Variants in DCP1B observed in about 807,000 individuals in gnomAD.
DCP1B encodes the protein decapping mRNA 1B.
DCP1B carries 47 observed loss-of-function variants against 60.5 expected under a neutral mutation model. The observed-to-expected ratio is 0.78, with a 90% CI of 0.61 to 0.99. The LOEUF (loss-of-function observed/expected upper bound fraction) is 0.99, where lower values mean the gene tolerates loss of function less well. Among genes scored for constraint, DCP1B ranks in the 50% least tolerant of loss-of-function variants. The pLI, the probability that DCP1B is intolerant of heterozygous loss-of-function variation, is 0.00. For missense variants in DCP1B, 725 were observed against 756.8 expected (o/e 0.96, Z 0.49); for synonymous variants, 267 against 280.3 (o/e 0.95, Z 0.47).
intron 4 of DCP1B, 124 bp from the exon 5 acceptor site, chr12:1,965,817 CT>C: frequency 8.1e-7 from 1 of 1,241,374 alleles, no homozygotes. Context: ...AATAAGCTTG[CT>C]TAGGAATTTA....
intron 5 of DCP1B, 96 bp from the exon 6 acceptor site, chr12:1,955,656 G>T: frequency 7.3e-7 from 1 of 1,367,026 alleles, no homozygotes; most frequent in East Asian, 2.5e-5. Context: ...TTGGTAGACG[G>T]CTGTGTTTTT....
intron 7 of DCP1B, among the ~76,000 whole-genome samples, chr12:1,951,349 T>C (rs1349895685): frequency 2.6e-5 from 4 of 152,204 alleles, no homozygotes; most frequent in African/African-American, 4.8e-5. Flanking sequence ...CAGGGAGAAC[T>C]TTCCAATTTT....
intron 3 of DCP1B, among the ~76,000 whole-genome samples, chr12:1,979,555 G>T (rs1032079232): frequency 3.0e-4 from 45 of 152,094 alleles, no homozygotes; most frequent in Admixed American, 7.9e-4. Context: ...CAAGTGATCC[G>T]CCCGCCTCAG....
Position 1,948,416 on chromosome 12 carries a change from C to A in DCP1B, c.1773+670G>T, listed in dbSNP as rs1304625300. ...CTTGTCTGTAGAATGGGAAAAATAA[C>A]AGGGTTGTTATGTAAGGAGTGAATG... On this transcript the variant is annotated intron_variant, in intron 8 of 8. Transcript: ENST00000280665. This position sits in a 1 kb window ranked among gnomAD's most constrained non-coding sequence, Gnocchi z 4.8. 6.6e-6 allele frequency among the ~76,000 whole-genome samples: 1 copy of A among 152,170 alleles called. No homozygotes were observed. The highest frequency in any genetic ancestry group is 6.5e-5 in the Admixed American group (1 of 15,282).
intron 3 of DCP1B, among the ~76,000 whole-genome samples, chr12:1,983,695 T>C (rs1445033312): frequency 6.6e-6 from 1 of 152,130 alleles, no homozygotes; most frequent in African/African-American, 2.4e-5. Flanking sequence ...ACGTCCATTC[T>C]GCTGTCATTC....
At chr12:1,990,540 A>G (rs920646731) in intron 3 of DCP1B, among the ~76,000 whole-genome samples, 1 of 150,222 alleles carries the variant, frequency 6.7e-6, no homozygotes, top group African/African-American at 2.4e-5. Context: ...CAAGAAAGGG[A>G]TTTTTTTTTT....
intron 4 of DCP1B, among the ~76,000 whole-genome samples, chr12:1,967,552 T>G (rs1352270632): frequency 6.6e-6 from 1 of 152,256 alleles, no homozygotes; most frequent in Non-Finnish European, 1.5e-5. Flanking sequence ...AAAAAATTGC[T>G]AATTTACATA....
chr12:1,956,059 TAACATCA>T (rs999398445), intron 5 of DCP1B, among the ~76,000 whole-genome samples: 2 of 152,238 alleles, frequency 1.3e-5, no homozygotes, highest in African/African-American at 4.8e-5. Context: ...TAAAAATTAC[TAACATCA>T]TCTTTATTTA....
chr12:1,990,013 T>C (rs560975241), intron 3 of DCP1B, among the ~76,000 whole-genome samples: 1 of 152,324 alleles, frequency 6.6e-6, no homozygotes, highest in East Asian at 1.9e-4. Flanking sequence ...AACTAAGTGT[T>C]TGTAAATGAT....
rs753799062 is a variant in DCP1B, at chr12:2,004,450, A to T, written c.-19T>A. 1.3e-6 allele frequency: 2 copies of T among 1,598,108 alleles called. No individual in the cohort carries two copies. Among genetic ancestry groups the T allele is most frequent in the Non-Finnish European group, 1.7e-6 (2 of 1,172,620 alleles). On this transcript the variant is annotated 5_prime_UTR_variant, in exon 1 of 9. An upstream start codon of the reference 5' UTR is lost. Coordinates refer to ENST00000280665, the MANE Select transcript of DCP1B (RefSeq NM_152640.5). Reference sequence around the variant, plus strand: ...CTGCCATCTTCCCTCCCTCCCAGACATAGGCACGGGGCTCTTGGAAGCCAC... The same window carrying T: ...CTGCCATCTTCCCTCCCTCCCAGACTTAGGCACGGGGCTCTTGGAAGCCAC...
chr12:1,981,923 T>TGTA (rs2036261861), intron 3 of DCP1B, among the ~76,000 whole-genome samples: 2 of 152,164 alleles, frequency 1.3e-5, no homozygotes, highest in South Asian at 4.1e-4. Flanking sequence ...AAAGTGTATA[T>TGTA]GTAGTTGTTT....
At chr12:1,997,813 T>G in intron 2 of DCP1B, 122 bp downstream of exon 2, 8 of 834,058 alleles carry the variant, frequency 9.6e-6, no homozygotes, top group Non-Finnish European at 1.5e-5. Context: ...ATTTCAAAAC[T>G]GAGATTTAAT....
At chr12:1,945,825 T>C (rs541845266), downstream of DCP1B, among the ~76,000 whole-genome samples, 6 of 152,238 alleles carry the variant, frequency 3.9e-5, no homozygotes, top group Admixed American at 2.0e-4. Flanking sequence ...CAGGTGGGAA[T>C]TGAACAATGA....
intron 5 of DCP1B, among the ~76,000 whole-genome samples, chr12:1,960,843 C>G (rs1161755912): frequency 1.3e-5 from 2 of 152,190 alleles, no homozygotes; most frequent in African/African-American, 4.8e-5. Context: ...AACGGAGACT[C>G]ACTTCCCAAC....
At chr12:1,960,737 G>A (rs1220514356) in intron 5 of DCP1B, among the ~76,000 whole-genome samples, 1 of 152,122 alleles carries the variant, frequency 6.6e-6, no homozygotes, top group Non-Finnish European at 1.5e-5. Context: ...AACCATCTCA[G>A]AAGTCTTTTA....
intron 3 of DCP1B, among the ~76,000 whole-genome samples, chr12:1,972,144 A>T (rs1291811303): frequency 6.6e-6 from 1 of 152,252 alleles, no homozygotes; most frequent in African/African-American, 2.4e-5. Flanking sequence ...TTACTTGGAA[A>T]GCCACGGAAA....
chr12:1,972,939 C>T (rs2154458895), intron 3 of DCP1B, among the ~76,000 whole-genome samples: 1 of 152,310 alleles, frequency 6.6e-6, no homozygotes, highest in South Asian at 2.1e-4. Context: ...AGCAATGACG[C>T]TGCCTGTGTG....
intron 2 of DCP1B, among the ~76,000 whole-genome samples, chr12:1,993,862 T>C (rs993712023): frequency 1.3e-5 from 2 of 152,166 alleles, no homozygotes; most frequent in Non-Finnish European, 2.9e-5. Flanking sequence ...TAAGTGTTAG[T>C]CTGAAATTGA....
intron 1 of DCP1B, 119 bp from the exon 2 acceptor site, chr12:1,998,094 C>G: frequency 1.3e-6 from 1 of 755,984 alleles, no homozygotes; most frequent in Non-Finnish European, 2.1e-6. Flanking sequence ...ATATACCCAA[C>G]ATGAGGAGTT....
Sources: gnomAD v4.1 joint callset for allele counts (sites outside exome capture counted in the v4.1 genomes callset) on GRCh38, gnomAD v4.1.1 for gene constraint, Gnocchi (gnomAD v3.1) non-coding constraint, MANE v1.5 for transcripts, NCBI Gene and HGNC (gene_info 2026-07-23, HGNC 2026-07-21) for gene names.